The following AGBL4 variants were observed in gnomAD, a reference collection of about 807,000 sequenced individuals.
AGBL4 encodes cytosolic carboxypeptidase 6.
AGBL4 carries 58 observed loss-of-function variants against 66.4 expected under a neutral mutation model. That is an observed-to-expected ratio of 0.87 (90% CI 0.71 to 1.09). The LOEUF (loss-of-function observed/expected upper bound fraction) is 1.09. Among genes scored for constraint, AGBL4 ranks in the 50% least tolerant of loss-of-function variants. The probability of loss-of-function intolerance (pLI) is 0.00; values close to 1 mark genes in which losing one functional copy is unlikely to be tolerated. For synonymous variants in AGBL4, 234 were observed against 222.9 expected, an observed-to-expected ratio of 1.05 and a Z score of -0.44; for missense variants, 579 against 631.0, an observed-to-expected ratio of 0.92 and a Z score of 0.88.
chr1:48,818,312 C>T lies in AGBL4; in HGVS notation c.634+48879G>A, dbSNP rs530081674. 330 of 714,962 alleles carry T rather than the reference C, an allele frequency of 4.6e-4. 9 individuals carry two copies. In the South Asian group the frequency reaches 4.8e-3, roughly 10 times the overall value. 44.3% of individuals were successfully genotyped at this position (714,962 alleles called of 1,614,324 possible). A position where few individuals can be genotyped will look rare whatever the true frequency, so the allele number is the denominator to read the frequency against. ...TTCACCGAAGGAAAATATTTATGGC[C>T]ATATTTGAAAAGGGGCATATTGCCT... On this transcript the variant is annotated intron_variant, in intron 6 of 13. Coordinates refer to ENST00000371839, the MANE Select transcript of AGBL4 (RefSeq NM_032785.4).
rs549956533 is a variant in AGBL4, at chr1:49,803,435, A to G, written c.157+47961T>C. 2.0e-5 allele frequency among the ~76,000 whole-genome samples: 3 copies of G among 152,348 alleles called. No homozygotes were observed. In the East Asian group the frequency reaches 5.8e-4, roughly 29 times the overall value. On this transcript the variant is annotated intron_variant, in intron 2 of 13. Coordinates refer to ENST00000371839, the MANE Select transcript of AGBL4 (RefSeq NM_032785.4). ...CACTTAGAATATGAAAATCCCATAG[A>G]CAAAATCTAAATGACACTCTCTATT...
At chr1:49,949,410 C>T (rs1314587806) in intron 1 of AGBL4, among the ~76,000 whole-genome samples, 1 of 151,702 alleles carries the variant, frequency 6.6e-6, no homozygotes, top group Non-Finnish European at 1.5e-5. Context: ...GAACAGTCAG[C>T]AGAGTAAACA....
chr1:48,885,508 GTC>G (rs1200188670), intron 5 of AGBL4, among the ~76,000 whole-genome samples: 3 of 152,128 alleles, frequency 2.0e-5, no homozygotes, highest in Non-Finnish European at 4.4e-5. Flanking sequence ...CCAGGACAGG[GTC>G]TAACACCAAG....
rs952864 is a variant in AGBL4 at position 49,528,828 on chromosome 1, A to G, written c.282+168485T>C. Among the ~76,000 whole-genome samples, 1,071 of 152,234 alleles carry G rather than the reference A, an allele frequency of 7.0e-3. 11 individuals carry two copies. Among genetic ancestry groups the G allele is most frequent in the Non-Finnish European group, 0.013 (871 of 68,000 alleles). ...ACAAAGCAAGGAAGTTTGAGATCCT[A>G]TGGTTTATATATAAGAAATTACAAG... is the stretch of plus-strand genomic sequence containing the variant. On this transcript the variant is annotated intron_variant, in intron 3 of 13. Coordinates refer to ENST00000371839, the MANE Select transcript of AGBL4 (RefSeq NM_032785.4).
intron 8 of AGBL4, among the ~76,000 whole-genome samples, chr1:48,645,947 G>A (rs926884021): frequency 5.9e-5 from 9 of 152,166 alleles, no homozygotes; most frequent in Admixed American, 1.3e-4. Flanking sequence ...GCAGTGGTGG[G>A]ATTGAGTGGG....
At chr1:48,830,177 C>T (rs1646517901) in intron 6 of AGBL4, among the ~76,000 whole-genome samples, 1 of 152,174 alleles carries the variant, frequency 6.6e-6, no homozygotes, top group Non-Finnish European at 1.5e-5. Context: ...TGAATTTTTG[C>T]TGCGCCTCAG....
intron 1 of AGBL4, among the ~76,000 whole-genome samples, chr1:49,958,502 T>C (rs1476632922): frequency 2.6e-5 from 4 of 152,040 alleles, no homozygotes; most frequent in Admixed American, 2.6e-4. Context: ...CACCATGGAA[T>C]ACTATTCAGC....
chr1:48,647,207 C>T (rs147401105), intron 8 of AGBL4, among the ~76,000 whole-genome samples: 216 of 152,296 alleles, frequency 1.4e-3, no homozygotes, highest in African/African-American at 4.8e-3. Context: ...CGTGCTATAA[C>T]GCAGAATCAT....
chr1:48,568,418 C>T (rs1001222116), intron 11 of AGBL4, among the ~76,000 whole-genome samples: 5 of 152,096 alleles, frequency 3.3e-5, no homozygotes, highest in African/African-American at 1.2e-4. Flanking sequence ...CTCAGGTCTG[C>T]CTTTCTCCCT....
chr1:48,586,263 G>A (rs1644818527), intron 11 of AGBL4: 1 of 152,180 alleles, frequency 6.6e-6, no homozygotes, highest in South Asian at 2.1e-4. Context: ...GAAATTTTAT[G>A]AAGAAACTAA....
At chr1:49,237,011 T>A (rs1650806665) in intron 4 of AGBL4, among the ~76,000 whole-genome samples, 1 of 151,848 alleles carries the variant, frequency 6.6e-6, no homozygotes, top group African/African-American at 2.4e-5. Flanking sequence ...ATCCCAGCAC[T>A]TTGGGAGGCC....
chr1:48,599,923 C>T (rs942946125), intron 9 of AGBL4, among the ~76,000 whole-genome samples: 6 of 152,056 alleles, frequency 3.9e-5, no homozygotes, highest in African/African-American at 7.2e-5. Flanking sequence ...TGGGAGAAAG[C>T]GTGGACCGAG....
At chr1:49,915,478 C>T (rs1305135869) in intron 1 of AGBL4, among the ~76,000 whole-genome samples, 23 of 152,098 alleles carry the variant, frequency 1.5e-4, no homozygotes, top group Admixed American at 1.3e-3. Flanking sequence ...CACCGGGCCT[C>T]GCTCATTGCT....
chr1:49,614,836 T>C (rs1199553557), intron 3 of AGBL4, among the ~76,000 whole-genome samples: 1 of 152,176 alleles, frequency 6.6e-6, no homozygotes, highest in African/African-American at 2.4e-5. Context: ...TGTTTTATAT[T>C]ACATTTTTTT....
intron 3 of AGBL4, among the ~76,000 whole-genome samples, chr1:49,411,678 C>T (rs768588082): frequency 9.0e-5 from 12 of 133,090 alleles, no homozygotes; most frequent in African/African-American, 1.4e-4. Context: ...ATGTGACTAA[C>T]ACACAGAAAG....
At chr1:48,789,826 C>T (rs10736387) in intron 6 of AGBL4, among the ~76,000 whole-genome samples, 148,684 of 152,264 alleles carry the variant, frequency 0.98, 72,681 homozygotes, top group East Asian at 1. Context: ...GAGAGGAACA[C>T]TGTCTTTCCC....
chr1:48,698,758 A>G (rs1394636951), intron 6 of AGBL4, among the ~76,000 whole-genome samples: 1 of 152,192 alleles, frequency 6.6e-6, no homozygotes, highest in Non-Finnish European at 1.5e-5. Context: ...CGTTACATGT[A>G]CACCATCATT....
At chr1:48,605,370 C>T (rs1645139314) in intron 9 of AGBL4, among the ~76,000 whole-genome samples, 1 of 152,176 alleles carries the variant, frequency 6.6e-6, no homozygotes, top group Admixed American at 6.5e-5. Context: ...AAATTGAGAG[C>T]TTCCAGACTG....
intron 1 of AGBL4, among the ~76,000 whole-genome samples, chr1:49,973,106 T>C (rs1257123033): frequency 6.6e-6 from 1 of 152,124 alleles, no homozygotes; most frequent in African/African-American, 2.4e-5. Flanking sequence ...TGCCTTTGTA[T>C]GAATTAGAGA....
Sources: gnomAD v4.1 joint callset for allele counts (sites outside exome capture counted in the v4.1 genomes callset) on GRCh38, gnomAD v4.1.1 for gene constraint, MANE v1.5 for transcripts, NCBI Gene and HGNC (gene_info 2026-07-23, HGNC 2026-07-21) for gene names.